The following PFKM variants were observed in gnomAD, a reference collection of about 807,000 sequenced individuals.
PFKM encodes ATP-dependent 6-phosphofructokinase, muscle type.
In PFKM, 58 loss-of-function variants were observed where a neutral mutation model predicts 95.5. That is an observed-to-expected ratio of 0.61 (90% confidence interval 0.49 to 0.76). The LOEUF is 0.76. Among genes scored for constraint, PFKM ranks in the 30% least tolerant of loss-of-function variants. The pLI, the probability that PFKM is intolerant of heterozygous loss-of-function variation, is 0.00. For synonymous variants in PFKM, 336 were observed against 357.2 expected (o/e 0.94, Z 0.67); for missense variants, 678 against 1,005.4 (o/e 0.67, Z 4.40).
chr12:48,113,584 C>A (rs763101631), intron 3 of PFKM, among the ~76,000 whole-genome samples: 1 of 152,156 alleles, frequency 6.6e-6, no homozygotes, highest in Non-Finnish European at 1.5e-5. Flanking sequence ...GCCAGATTTC[C>A]GACACTTGAA....
At position 48,107,519 on chromosome 12, in the gene PFKM, T is replaced by C. The variant is rs576633672; in HGVS notation, c.82+64T>C. ...TGGGTTCTCTCACAAGAAGTCTAAA[T>C]ACAGGATGTGAGGCTTTCTAGTGTA... On this transcript the variant is annotated intron_variant, in intron 2 of 24. Transcript: ENST00000340802. 6.6e-6 allele frequency: 7 copies of C among 1,065,358 alleles called. No individual in the cohort carries two copies. The African/African-American group carries it at 1.1e-4, about 16-fold the overall frequency. The allele number at this position is 1,065,358 out of a possible 1,614,324, so 66.0% of individuals were successfully genotyped here.
At chr12:48,109,944 G>T (rs1947037599) in intron 3 of PFKM, among the ~76,000 whole-genome samples, 1 of 152,164 alleles carries the variant, frequency 6.6e-6, no homozygotes, top group Non-Finnish European at 1.5e-5. Context: ...TGGGAATAAA[G>T]TAGTAAACAA....
chr12:48,128,245 T>G lies in PFKM; in HGVS notation c.86-2118T>G, dbSNP rs776831166. ...AGGCTTAGATACTCTTTGTCCCTGT[T>G]TCGACTGTACTTTGTCTCTCTCTCT... On this transcript the variant is annotated intron_variant, in intron 2 of 22. Transcript: ENST00000359794. Among the ~76,000 whole-genome samples, 49 of 150,546 alleles carry G rather than the reference T, an allele frequency of 3.3e-4. 1 individual carries two copies. Among genetic ancestry groups the G allele is most frequent in the Non-Finnish European group, 3.7e-4 (25 of 67,872 alleles).
intron 2 of PFKM, chr12:48,107,965 A>G: frequency 2.7e-6 from 3 of 1,117,854 alleles, no homozygotes; most frequent in Non-Finnish European, 3.8e-6. Context: ...GATTTTTGGA[A>G]AGAAAGCCCT....
In PFKM at chr12:48,140,954, C is replaced by T. The variant is rs73302843; in HGVS notation, c.1341+83C>T. ...ATGACCTGTCCATTCTCTTGGCTTC[C>T]TCTGTTCCTCACTACCTCTCTCTCC... On this transcript the variant is annotated intron_variant, in intron 14 of 22. Transcript: ENST00000359794. 2.3e-3 allele frequency: 3,275 copies of T among 1,428,262 alleles called. 78 individuals are homozygous for T. In the African/African-American group the frequency reaches 0.041, roughly 18 times the overall value. 88.5% of individuals were successfully genotyped at this position (1,428,262 alleles called of 1,614,324 possible).
At position 48,145,407 on chromosome 12, in the gene PFKM, T is replaced by G; in HGVS notation, c.2198+92T>G. 7.5e-7 allele frequency: 1 copy of G among 1,328,436 alleles called. No individual in the cohort carries two copies. Among genetic ancestry groups the G allele is most frequent in the South Asian group, 1.2e-5 (1 of 82,466 alleles). 82.3% of individuals were successfully genotyped at this position (1,328,436 alleles called of 1,614,324 possible). ...TGTTCACTGTCTTTAATTCTTTTTTTTTTTTAAGGAGTAACACCTGTATTC... is the reference window on the plus strand; with the variant it reads ...TGTTCACTGTCTTTAATTCTTTTTTGTTTTTAAGGAGTAACACCTGTATTC... On this transcript the variant is annotated intron_variant, in intron 22 of 22. Transcript: ENST00000359794. The surrounding 1 kb of genome is among the most constrained non-coding windows in gnomAD (Gnocchi z 4.3).
chr12:48,108,857 C>G (rs2137536729), intron 3 of PFKM, among the ~76,000 whole-genome samples: 1 of 152,266 alleles, frequency 6.6e-6, no homozygotes, highest in East Asian at 1.9e-4. Context: ...TGCCATTGCC[C>G]CAATAGCTTA....
intron 8 of PFKM, 37 bp downstream of exon 8, chr12:48,134,866 A>G (rs770730594): frequency 6.3e-7 from 1 of 1,588,744 alleles, no homozygotes; most frequent in Non-Finnish European, 8.6e-7. Flanking sequence ...GAAATCCCTC[A>G]CCCTGTTCCA....
Position 48,142,925 on chromosome 12 carries a change from C to G in PFKM, c.1797C>G (p.Pro599=). 1.2e-6 allele frequency: 2 copies of G among 1,613,994 alleles called. No individual in the cohort carries two copies. Among genetic ancestry groups the G allele is most frequent in the Non-Finnish European group, 1.7e-6 (2 of 1,180,020 alleles). ...ATGCTGCCTACATTTTTGAGGAGCC[C>G]TTCACCATTCGAGACCTGCAGGTAG... ...GADAAYIFEE[P]FTIRDLQANV... is the part of the protein sequence containing the mutation. Residue 599 remains proline (P), a synonymous_variant, in exon 18 of 23, where the codon CCC becomes CCG. Transcript: ENST00000359794.
exon 1 of PFKM, chr12:48,106,007 C>G (rs1946549770): frequency 1.4e-6 from 1 of 700,948 alleles, no homozygotes; most frequent in Admixed American, 2.0e-5. Flanking sequence ...ACCCCTCCCC[C>G]AGCTTCCCGC....
At chr12:48,127,896 TG>T (rs1366961250) in intron 2 of PFKM, among the ~76,000 whole-genome samples, 1 of 152,244 alleles carries the variant, frequency 6.6e-6, no homozygotes, top group Non-Finnish European at 1.5e-5. Flanking sequence ...GTGGGGTTCC[TG>T]GATTCCCTGA....
upstream of PFKM, among the ~76,000 whole-genome samples, chr12:48,114,528 T>C (rs1378079823): frequency 1.3e-5 from 2 of 152,114 alleles, no homozygotes; most frequent in Non-Finnish European, 2.9e-5. Flanking sequence ...GGAGCCTGAT[T>C]CAGCCTGGCG....
At chr12:48,137,470 A>G (rs1159170117) in intron 10 of PFKM, 2 of 557,370 alleles carry the variant, frequency 3.6e-6, no homozygotes, top group Non-Finnish European at 6.4e-6. Flanking sequence ...AATCCTGTTG[A>G]TTACCATAGT....
At chr12:48,139,496 A>T in intron 12 of PFKM, 147 bp downstream of exon 12, 1 of 709,862 alleles carries the variant, frequency 1.4e-6, no homozygotes, top group Admixed American at 2.0e-5. Context: ...CAAGAAAATT[A>T]GTTGTGAGGT....
chr12:48,142,872 A>G lies in PFKM; in HGVS notation c.1744A>G (p.Thr582Ala). ...GGGTGGCTACTGTGGCTACCTGGCT[A>G]CCATGGCTGGACTGGCAGCTGGGGC... is the stretch of plus-strand genomic sequence containing the variant. ...TMGGYCGYLA[T>A]MAGLAAGADA... Residue 582 changes from threonine (T) to alanine (A), a missense_variant, in exon 18 of 23, where the codon ACC becomes GCC. Thr to Ala is a moderately conservative substitution (Grantham distance 58). Transcript: ENST00000359794. 1 of 1,614,150 alleles carries G rather than the reference A, an allele frequency of 6.2e-7. No homozygotes were observed. Among genetic ancestry groups the G allele is most frequent in the Non-Finnish European group, 8.5e-7 (1 of 1,180,004 alleles).
At chr12:48,144,333 T>G (rs1245849186) in intron 20 of PFKM, among the ~76,000 whole-genome samples, 176 bp downstream of exon 20, 1 of 152,174 alleles carries the variant, frequency 6.6e-6, no homozygotes, top group Non-Finnish European at 1.5e-5. Flanking sequence ...CAAAACATCT[T>G]TATCCTGGAA....
intron 10 of PFKM, among the ~76,000 whole-genome samples, chr12:48,135,912 G>A (rs954450788): frequency 3.3e-5 from 5 of 150,710 alleles, no homozygotes; most frequent in Admixed American, 3.3e-4. Context: ...TTTTTGAGAC[G>A]CACCATTGCA....
chr12:48,144,989 T>A, intron 20 of PFKM, 42 bp from the exon 21 acceptor site: 1 of 1,368,988 alleles, frequency 7.3e-7, no homozygotes, highest in Non-Finnish European at 1.0e-6. Context: ...TGCCACTTCA[T>A]TAGAGTCCTT....
intron 1 of PFKM, 134 bp from the exon 2 acceptor site, chr12:48,122,633 A>C: frequency 1.3e-6 from 2 of 1,518,250 alleles, no homozygotes; most frequent in South Asian, 2.5e-5. Context: ...CAAAGCTCTC[A>C]GGCTGCAAAG....
Sources: gnomAD v4.1 joint callset for allele counts (sites outside exome capture counted in the v4.1 genomes callset) on GRCh38, gnomAD v4.1.1 for gene constraint, Gnocchi (gnomAD v3.1) non-coding constraint, MANE v1.5 for transcripts, NCBI Gene and HGNC (gene_info 2026-07-23, HGNC 2026-07-21) for gene names.